COX16: variants seen among roughly 807,000 people sequenced by gnomAD.
COX16 encodes cytochrome c oxidase assembly factor COX16.
COX16 carries 12 observed loss-of-function variants against 15.4 expected under a neutral mutation model. The ratio of observed to expected loss-of-function variants is 0.78; its 90% confidence interval spans 0.50 to 1.26. COX16 has a LOEUF of 1.26. Among genes scored for constraint, COX16 ranks in the 50% most tolerant of loss-of-function variants. The pLI is 0.00. For synonymous variants in COX16, 46 were observed against 41.1 expected (o/e 1.12, Z -0.46); for missense variants, 124 against 127.6 (o/e 0.97, Z 0.14).
rs776029151 is a variant in COX16, at chr14:70,359,524, T to A, written c.64A>T (p.Met22Leu). ...KNKTLGYGVPMLLLIVGGSFG... is the reference protein window; with the variant it reads ...KNKTLGYGVPLLLLIVGGSFG... ...ATCCTCCTCACTCCACTCACCAACA[T>A]GGGGACTCCATAGCCGAGAGTCTTG... is the stretch of plus-strand genomic sequence containing the variant. The change falls in exon 1 of 4, where the codon ATG (methionine) becomes TTG (leucine). Residue 22 changes from methionine (M) to leucine (L), a missense_variant. Met to Leu is a conservative substitution (Grantham distance 15). Transcript: ENST00000389912. The A allele has an allele frequency of 6.2e-7, 1 of 1,613,782 alleles. No homozygotes were observed. Among genetic ancestry groups the A allele is most frequent in the Non-Finnish European group, 8.5e-7 (1 of 1,179,750 alleles).
chr14:70,344,831 G>A (rs1215745677), intron 1 of COX16, among the ~76,000 whole-genome samples: 1 of 152,134 alleles, frequency 6.6e-6, no homozygotes, highest in Non-Finnish European at 1.5e-5. Flanking sequence ...GGCCATCCAG[G>A]TACAACAGAG....
intron 3 of COX16, among the ~76,000 whole-genome samples, chr14:70,326,956 T>G (rs1474869605): frequency 6.6e-6 from 1 of 152,158 alleles, no homozygotes; most frequent in African/African-American, 2.4e-5. Flanking sequence ...AAAACACTTT[T>G]GGGCAACTGA....
chr14:70,357,026 ACCATT>A (rs1195263978), intron 1 of COX16, among the ~76,000 whole-genome samples: 2 of 152,048 alleles, frequency 1.3e-5, no homozygotes, highest in East Asian at 3.9e-4. Flanking sequence ...TCTTTAAAAC[ACCATT>A]CTGTGAGAAA....
chr14:70,357,107 C>G (rs1040416389), intron 1 of COX16, among the ~76,000 whole-genome samples: 4 of 124,286 alleles, frequency 3.2e-5, no homozygotes, highest in Non-Finnish European at 6.3e-5. Flanking sequence ...TGTAGTTTAC[C>G]TGACATGGAG....
chr14:70,346,508 C>A (rs556083810), intron 1 of COX16, among the ~76,000 whole-genome samples: 10 of 152,182 alleles, frequency 6.6e-5, no homozygotes, highest in Middle Eastern at 3.2e-3. Context: ...GGACTGTGAG[C>A]GGCCCCTGCA....
chr14:70,329,233 C>G lies in COX16; in HGVS notation c.145G>C (p.Asp49His). ...TTCAGTTTTTTTTCAAGCTCAGGAT[C>G]CATCTGTAGAAAAGGAAAAAAAGTA... ...IRYDAVKSKM[D>H]PELEKKLKEN... is the part of the protein sequence containing the mutation. Residue 49 changes from aspartate to histidine, a missense_variant, in exon 3 of 4, where the codon GAT becomes CAT. Physicochemically the swap from Asp to His is moderately conservative, Grantham distance 81. Transcript: ENST00000389912. The G allele has an allele frequency of 1.9e-6, 3 of 1,580,960 alleles. No homozygotes were observed. The highest frequency in any genetic ancestry group is 2.6e-6 in the Non-Finnish European group (3 of 1,161,516).
intron 1 of COX16, among the ~76,000 whole-genome samples, chr14:70,350,347 C>T (rs377058940): frequency 6.6e-6 from 1 of 152,304 alleles, no homozygotes; most frequent in African/African-American, 2.4e-5. Context: ...TTCGTCCCGT[C>T]CTCACTTGGG....
chr14:70,338,898 G>A (rs769186686), intron 2 of COX16, among the ~76,000 whole-genome samples: 5 of 152,110 alleles, frequency 3.3e-5, no homozygotes, highest in African/African-American at 4.8e-5. Context: ...GTATTGTGCA[G>A]TATGCTCCGT....
chr14:70,350,398 G>A (rs1264678572), intron 1 of COX16, among the ~76,000 whole-genome samples: 2 of 152,168 alleles, frequency 1.3e-5, no homozygotes, highest in East Asian at 3.9e-4. Flanking sequence ...GCACCCAGGC[G>A]CTCATTAAAA....
intron 2 of COX16, among the ~76,000 whole-genome samples, chr14:70,336,615 A>C (rs1486329725): frequency 6.6e-6 from 1 of 152,222 alleles, no homozygotes; most frequent in African/African-American, 2.4e-5. Flanking sequence ...ATATGCTTTC[A>C]ACTAAGAAAA....
At chr14:70,343,897 GTT>G (rs1281326017) in intron 1 of COX16, among the ~76,000 whole-genome samples, 1 of 152,190 alleles carries the variant, frequency 6.6e-6, no homozygotes, top group African/African-American at 2.4e-5. Flanking sequence ...GGAAACCGGA[GTT>G]TTATTATTAC....
chr14:70,333,514 C>T (rs919537131), intron 2 of COX16, among the ~76,000 whole-genome samples: 1 of 151,622 alleles, frequency 6.6e-6, no homozygotes, highest in African/African-American at 2.4e-5. Flanking sequence ...CAAAGAGAAA[C>T]GATTTGAAAA....
intron 2 of COX16, among the ~76,000 whole-genome samples, chr14:70,329,827 A>C (rs1886224460): frequency 6.6e-6 from 1 of 152,018 alleles, no homozygotes; most frequent in Non-Finnish European, 1.5e-5. Context: ...AAAGAGTATG[A>C]TGGCTGAAAT....
chr14:70,342,301 C>T (rs542723693), intron 2 of COX16, among the ~76,000 whole-genome samples: 68 of 152,046 alleles, frequency 4.5e-4, no homozygotes, highest in African/African-American at 1.5e-3. Context: ...AAAAATTAGC[C>T]GGGTGGTAGT....
chr14:70,354,841 C>CGTGCGTGTGTGTGT (rs144038416), intron 1 of COX16, among the ~76,000 whole-genome samples: 1 of 148,880 alleles, frequency 6.7e-6, no homozygotes, highest in African/African-American at 2.5e-5. Context: ...TGTGTGTGTG[C>CGTGCGTGTGTGTGT]GTGTGTGTGT....
At chr14:70,358,560 G>A (rs940862199) in intron 1 of COX16, among the ~76,000 whole-genome samples, 2 of 151,012 alleles carry the variant, frequency 1.3e-5, no homozygotes, top group African/African-American at 4.9e-5. Flanking sequence ...TGATGAATGT[G>A]GATTTTTCAA....
intron 3 of COX16, among the ~76,000 whole-genome samples, chr14:70,327,623 A>G (rs1886123888): frequency 6.6e-6 from 1 of 152,218 alleles, no homozygotes; most frequent in Non-Finnish European, 1.5e-5. Context: ...ATTATTTCAT[A>G]AGTATAGTTA....
At chr14:70,358,986 A>C (rs551715287) in intron 1 of COX16, among the ~76,000 whole-genome samples, 1 of 152,198 alleles carries the variant, frequency 6.6e-6, no homozygotes, top group East Asian at 1.9e-4. Context: ...CTTTATTCAC[A>C]AGGTGTTATT....
chr14:70,330,348 GT>G (rs1196632424), intron 2 of COX16, among the ~76,000 whole-genome samples: 5 of 152,192 alleles, frequency 3.3e-5, no homozygotes, highest in Middle Eastern at 3.4e-3. Context: ...AACCTGAATA[GT>G]TTTACAATCT....
Sources: allele counts gnomAD v4.1 joint callset (sites outside exome capture counted in the v4.1 genomes callset), GRCh38; gene constraint gnomAD v4.1.1; transcripts MANE v1.5; gene names NCBI Gene and HGNC (gene_info 2026-07-23, HGNC 2026-07-21).